Variants in ZNF554 observed in about 807,000 individuals in gnomAD.
ZNF554 encodes zinc finger protein 554.
In ZNF554, 15 loss-of-function variants were observed where a neutral mutation model predicts 21.2. That is an observed-to-expected ratio of 0.71 (90% confidence interval 0.47 to 1.09). ZNF554 has a LOEUF of 1.09. Among genes scored for constraint, ZNF554 ranks in the 50% least tolerant of loss-of-function variants. ZNF554 has a pLI of 0.00. For missense variants in ZNF554, 691 were observed against 662.7 expected (o/e 1.04, Z -0.47); for synonymous variants, 258 against 251.4 (o/e 1.03, Z -0.25).
chr19:2,828,217 T>C (rs1568333954), intron 3 of ZNF554, among the ~76,000 whole-genome samples: 2 of 152,174 alleles, frequency 1.3e-5, no homozygotes, highest in Admixed American at 6.5e-5. Context: ...AAGACAGACA[T>C]GGGTCCTGGT....
At chr19:2,825,242 G>A (rs1322100656) in intron 2 of ZNF554, among the ~76,000 whole-genome samples, 1 of 152,108 alleles carries the variant, frequency 6.6e-6, no homozygotes, top group Non-Finnish European at 1.5e-5. Context: ...GTGAACTCCT[G>A]GGTTCAGGTG....
Position 2,834,461 on chromosome 19 carries a change from A to G in ZNF554, c.1226A>G (p.Lys409Arg). 1 of 1,614,044 alleles carries G rather than the reference A, an allele frequency of 6.2e-7. No individual in the cohort carries two copies. Residue 409 changes from lysine to arginine, a missense_variant, in exon 5 of 5, where the codon AAA (lysine) becomes AGA (arginine). Lys to Arg is a conservative substitution (Grantham distance 26, BLOSUM62 2). Transcript: ENST00000317243. ...QRIHTGEKPY[K>R]CEDCGKSFCQ... ...ATTCACACCGGGGAAAAGCCCTATA[A>G]ATGTGAAGACTGTGGGAAATCCTTC...
In ZNF554 at chr19:2,834,432, G is replaced by A; in HGVS notation, c.1197G>A (p.Gln399=). The part of the protein sequence containing the change: ...FNRISSLTQH[Q]RIHTGEKPYK... ...GGATCTCATCGCTGACTCAGCATCAGAGGATTCACACCGGGGAAAAGCCCT... is the reference window on the plus strand; with the variant it reads ...GGATCTCATCGCTGACTCAGCATCAAAGGATTCACACCGGGGAAAAGCCCT... The change falls in exon 5 of 5, where the codon CAG becomes CAA. Residue 399 remains glutamine (Q), a synonymous_variant. Transcript: ENST00000317243. 2.5e-6 allele frequency: 4 copies of A among 1,614,034 alleles called. No homozygotes were observed. The highest frequency in any genetic ancestry group is 3.3e-4 in the Middle Eastern group (2 of 6,060).
chr19:2,829,841 A>T (rs1053657871), intron 3 of ZNF554, among the ~76,000 whole-genome samples: 1 of 151,910 alleles, frequency 6.6e-6, no homozygotes, highest in African/African-American at 2.4e-5. Context: ...TACCCGTTAA[A>T]TTCTCCCTCC....
At chr19:2,825,004 T>TG (rs1491099992) in intron 2 of ZNF554, among the ~76,000 whole-genome samples, 114 of 15,142 alleles carry the variant, frequency 7.5e-3, no homozygotes, top group African/African-American at 0.013. Context: ...ATTGCAGTTG[T>TG]TTTTTTTTTT....
chr19:2,832,327 A>T lies in ZNF554; in HGVS notation c.278A>T (p.Asp93Val), dbSNP rs189174980. 34 of 1,609,988 alleles carry T rather than the reference A, an allele frequency of 2.1e-5. No homozygotes were observed. In the Middle Eastern group the frequency reaches 6.6e-4, roughly 31 times the overall value. ...SLEALKNQCT[D>V]VGIKEGPLSP... ...GAAGCCTTGAAGAACCAATGTACTG[A>T]TGTGGGGATTAAAGAGGGTCCACTT... Residue 93 changes from aspartate to valine, a missense_variant, in exon 4 of 5, where the codon GAT becomes GTT. Transcript: ENST00000317243.
At chr19:2,823,464 A>G (rs948082345) in intron 2 of ZNF554, among the ~76,000 whole-genome samples, 1 of 152,132 alleles carries the variant, frequency 6.6e-6, no homozygotes, top group Non-Finnish European at 1.5e-5. Context: ...AGTTGTATTT[A>G]CTGTTAGAGC....
Position 2,832,318 on chromosome 19 carries a change from A to G in ZNF554, c.269A>G (p.Gln90Arg). 1 of 1,598,200 alleles carries G rather than the reference A, an allele frequency of 6.3e-7. No homozygotes were observed. The highest frequency in any genetic ancestry group is 8.5e-7 in the Non-Finnish European group (1 of 1,175,220). The change falls in exon 4 of 5, where the codon CAA (glutamine) becomes CGA (arginine). Residue 90 changes from glutamine (Q) to arginine (R), a missense_variant. Physicochemically the swap from Gln to Arg is conservative, Grantham distance 43 (BLOSUM62 1). Coordinates refer to ENST00000317243, the MANE Select transcript of ZNF554 (RefSeq NM_001102651.2). ...TCTTTTTCAGAAGCCTTGAAGAACC[A>G]ATGTACTGATGTGGGGATTAAAGAG... is the stretch of plus-strand genomic sequence containing the variant. ...NVVSLEALKNQCTDVGIKEGP... is the reference protein window; with the variant it reads ...NVVSLEALKNRCTDVGIKEGP...
At chr19:2,827,453 T>G (rs1387583690) in intron 2 of ZNF554, among the ~76,000 whole-genome samples, 164 bp from the exon 3 acceptor site, 1 of 152,196 alleles carries the variant, frequency 6.6e-6, no homozygotes, top group Non-Finnish European at 1.5e-5. Context: ...TCCCTCTGAT[T>G]TTAAGCCAAG....
chr19:2,825,016 T>TTG (rs1216627932), intron 2 of ZNF554, among the ~76,000 whole-genome samples: 2 of 145,516 alleles, frequency 1.4e-5, no homozygotes, highest in East Asian at 4.0e-4. Flanking sequence ...TTTTTTTTTT[T>TTG]TTTTTTTTTT....
intron 3 of ZNF554, among the ~76,000 whole-genome samples, 163 bp downstream of exon 3, chr19:2,827,906 CATG>C (rs1261698129): frequency 2.6e-5 from 4 of 152,282 alleles, no homozygotes; most frequent in South Asian, 2.1e-4. Flanking sequence ...GGCTCACAAT[CATG>C]GTGGAAGGCG....
rs1555721461 is a variant in ZNF554 at position 2,834,807 on chromosome 19, C to T, written c.1572C>T (p.Asp524=). The change falls in exon 5 of 5, where the codon GAC becomes GAT. Residue 524 remains aspartate (D), a synonymous_variant. Coordinates refer to ENST00000317243, the MANE Select transcript of ZNF554 (RefSeq NM_001102651.2). The part of the protein sequence containing the change: ...HSSQKTYKII[D]CGKAFYQNRH... ...GCCAGAAAACCTATAAAATCATTGA[C>T]TGTGGGAAAGCGTTCTACCAGAACA... 1 of 1,609,032 alleles carries T rather than the reference C, an allele frequency of 6.2e-7. No homozygotes were observed. The highest frequency in any genetic ancestry group is 8.5e-7 in the Non-Finnish European group (1 of 1,176,458).
At chr19:2,824,357 C>T (rs60525035) in intron 2 of ZNF554, among the ~76,000 whole-genome samples, 29,668 of 152,162 alleles carry the variant, frequency 0.19, 3,781 homozygotes, top group East Asian at 0.46. Context: ...CAGGGAGGCT[C>T]GAATCCACAG....
intron 1 of ZNF554, among the ~76,000 whole-genome samples, chr19:2,822,292 C>A (rs1015305821): frequency 1.3e-4 from 19 of 151,994 alleles, no homozygotes; most frequent in Non-Finnish European, 2.6e-4. Context: ...CTCAAGTGAT[C>A]CTCGCGCCTC....
At chr19:2,827,014 A>G (rs752316079) in intron 2 of ZNF554, among the ~76,000 whole-genome samples, 5 of 152,200 alleles carry the variant, frequency 3.3e-5, no homozygotes, top group Non-Finnish European at 4.4e-5. Flanking sequence ...ACTCTGAGTC[A>G]TGGAAGCAAA....
At chr19:2,829,746 T>C (rs913819020) in intron 3 of ZNF554, among the ~76,000 whole-genome samples, 1 of 152,136 alleles carries the variant, frequency 6.6e-6, no homozygotes, top group Non-Finnish European at 1.5e-5. Flanking sequence ...AAGTGTGCAG[T>C]TCAGTGGCAC....
In ZNF554 at chr19:2,836,388, C is replaced by T. The variant is rs1224172435; in HGVS notation, c.*1536C>T. ...GAACCACTGCTCCTGGCCTTTATTT[C>T]AGCATTCTGTTTCAGTGTTTCACAT... On this transcript the variant is annotated 3_prime_UTR_variant, in exon 5 of 5. Coordinates refer to ENST00000317243, the MANE Select transcript of ZNF554 (RefSeq NM_001102651.2). 3.3e-5 allele frequency among the ~76,000 whole-genome samples: 5 copies of T among 152,224 alleles called. No homozygotes were observed. The highest frequency in any genetic ancestry group is 7.3e-5 in the Non-Finnish European group (5 of 68,042).
chr19:2,822,840 C>G (rs1003646753), intron 1 of ZNF554, among the ~76,000 whole-genome samples, 200 bp from the exon 2 acceptor site: 2 of 152,240 alleles, frequency 1.3e-5, no homozygotes, highest in Non-Finnish European at 2.9e-5. Flanking sequence ...CACCACTGCA[C>G]TGCAGCCTGG....
At position 2,826,937 on chromosome 19, in the gene ZNF554, C is replaced by T. The variant is rs140414221; in HGVS notation, c.127-680C>T. On this transcript the variant is annotated intron_variant, in intron 2 of 4. Transcript: ENST00000317243. Reference sequence around the variant, plus strand: ...TCGGCCTCTCAAAGTGCTGGGATTACAGGTGTGAGCCACTGCGACTGGCTG... The same window carrying T: ...TCGGCCTCTCAAAGTGCTGGGATTATAGGTGTGAGCCACTGCGACTGGCTG... 7.6e-3 allele frequency among the ~76,000 whole-genome samples: 1,158 copies of T among 152,288 alleles called. 13 individuals are homozygous for T. Among genetic ancestry groups the T allele is most frequent in the African/African-American group, 0.026 (1,097 of 41,552 alleles).
Sources: allele counts gnomAD v4.1 joint callset (sites outside exome capture counted in the v4.1 genomes callset), GRCh38; gene constraint gnomAD v4.1.1; transcripts MANE v1.5; gene names NCBI Gene and HGNC (gene_info 2026-07-23, HGNC 2026-07-21).